The following SALL2 variants were observed in gnomAD, a reference collection of about 807,000 sequenced individuals.
SALL2 encodes the protein spalt like transcription factor 2.
A neutral mutation model predicts 58.5 loss-of-function variants in SALL2; 32 were observed. That is an observed-to-expected ratio of 0.55 (90% CI 0.41 to 0.74). The LOEUF (loss-of-function observed/expected upper bound fraction) is 0.74, where lower values mean the gene tolerates loss of function less well. SALL2 is among the 30% of genes least tolerant of loss of function. The probability of loss-of-function intolerance (pLI) is 0.00; values close to 1 mark genes in which losing one functional copy is unlikely to be tolerated. For synonymous variants in SALL2, 516 were observed against 513.6 expected (o/e 1.00, Z -0.06); for missense variants, 1,201 against 1,268.9 (o/e 0.95, Z 0.81).
chr14:21,522,673 G>T lies in SALL2; in HGVS notation c.*31C>A. 1 of 1,510,628 alleles carries T rather than the reference G, an allele frequency of 6.6e-7. No individual in the cohort carries two copies. The highest frequency in any genetic ancestry group is 1.4e-5 in the South Asian group (1 of 73,052). 93.6% of individuals were successfully genotyped at this position (1,510,628 alleles called of 1,614,324 possible). On this transcript the variant is annotated 3_prime_UTR_variant, in exon 2 of 2. Coordinates refer to ENST00000537235, the MANE Select transcript of SALL2 (RefSeq NM_001364564.1). ...TTGTGAAGCTGTTTCTGCTCTGTGG[G>T]ACAAAGAGCAGCAGGTACAGAAAAA...
Position 21,523,479 on chromosome 14 carries a change from T to C in SALL2, c.2243A>G (p.Gln748Arg), listed in dbSNP as rs577213976. Reference sequence around the variant, plus strand: ...CGGTGATGGCTGCTGGGACTGCTGCTGGGGGAAACTCCGTGCCCCGGAGAC... The same window carrying C: ...CGGTGATGGCTGCTGGGACTGCTGCCGGGGGAAACTCCGTGCCCCGGAGAC... The part of the protein sequence containing the change: ...STVSGARSFP[Q>R]QQSQQPSPEE... Residue 748 changes from glutamine to arginine, a missense_variant, in exon 2 of 2, where the codon CAG becomes CGG. Gln to Arg is a conservative substitution (Grantham distance 43, BLOSUM62 1). This residue lies in a region of SALL2 where 675 missense variants were observed against 683.8 expected (regional missense o/e 0.99). Transcript: ENST00000537235. This position sits in a 1 kb window ranked among gnomAD's most constrained non-coding sequence, Gnocchi z 4.4. 5 of 1,614,142 alleles carry C rather than the reference T, an allele frequency of 3.1e-6. No individual in the cohort carries two copies. The South Asian group carries it at 5.5e-5, about 18-fold the overall frequency.
At chr14:21,527,735 G>A (rs1892359719), upstream of SALL2, among the ~76,000 whole-genome samples, 1 of 152,136 alleles carries the variant, frequency 6.6e-6, no homozygotes, top group South Asian at 2.1e-4. Context: ...CCAGCTACTT[G>A]GGAGGCTGAG....
upstream of SALL2, chr14:21,526,385 C>G: frequency 8.2e-7 from 1 of 1,221,276 alleles, no homozygotes; most frequent in Non-Finnish European, 1.0e-6. Flanking sequence ...TGGGGAGGAG[C>G]TGCTGGGGAG....
Position 21,524,857 on chromosome 14 carries a change from C to T in SALL2, c.865G>A (p.Gly289Arg), listed in dbSNP as rs1361629058. ...GTGGGTTTGTGGCTTCGCCCAACCC[C>T]TCCAGCAGAGAAAGGATGCTGTGAC... ...LGSQHPFSAG[G>R]VGRSHKPTPA... Residue 289 changes from glycine (G) to arginine (R), a missense_variant, in exon 2 of 2, where the codon GGG becomes AGG. Gly to Arg is a moderately radical substitution (Grantham distance 125). Around this residue, in one of 3 missense-constraint regions of SALL2, gnomAD observed 467 missense variants for 468.9 expected, o/e 1.00. Coordinates refer to ENST00000537235, the MANE Select transcript of SALL2 (RefSeq NM_001364564.1). The T allele has an allele frequency of 1.2e-6, 2 of 1,613,884 alleles. No homozygotes were observed. The highest frequency in any genetic ancestry group is 1.7e-5 in the Admixed American group (1 of 60,000).
Position 21,525,333 on chromosome 14 carries a change from G to A in SALL2, c.389C>T (p.Thr130Ile), listed in dbSNP as rs865831820. Residue 130 changes from threonine to isoleucine, a missense_variant, in exon 2 of 2, where the codon ACA (threonine) becomes ATA (isoleucine). By Grantham distance (89) the Thr-to-Ile change is moderately conservative. Coordinates refer to ENST00000537235, the MANE Select transcript of SALL2 (RefSeq NM_001364564.1). This position sits in a 1 kb window ranked among gnomAD's most constrained non-coding sequence, Gnocchi z 4.4. ...CAGGCCCCCGCCTCCCCCAGCCGCT[G>A]TACCTGTGGCAGCGACCAGGAAATG... Reference protein sequence around the residue: ...SGHFLVAATGTAAGGGGGLIL... With the variant: ...SGHFLVAATGIAAGGGGGLIL... The A allele has an allele frequency of 1.9e-6, 3 of 1,613,982 alleles. No homozygotes were observed. The highest frequency in any genetic ancestry group is 3.3e-4 in the Middle Eastern group (2 of 6,062).
chr14:21,523,863 G>A lies in SALL2; in HGVS notation c.1859C>T (p.Pro620Leu), dbSNP rs117375429. ...AGGTCCAGAAGAGGCTGAGGATGAA[G>A]GTGCAGGGGCAGAGGTGGTGGGGGC... ...SGAPTTSAPA[P>L]SSSASSGPNQ... Residue 620 changes from proline (P) to leucine (L), a missense_variant, in exon 2 of 2, where the codon CCT becomes CTT. By Grantham distance (98) the Pro-to-Leu change is moderately conservative (BLOSUM62 -3). Around this residue, in one of 3 missense-constraint regions of SALL2, gnomAD observed 675 missense variants for 683.8 expected, o/e 0.99. Transcript: ENST00000537235. The surrounding 1 kb of genome is among the most constrained non-coding windows in gnomAD (Gnocchi z 4.4). 4.3e-6 allele frequency: 7 copies of A among 1,614,238 alleles called. No individual in the cohort carries two copies. The East Asian group carries it at 6.7e-5, about 15-fold the overall frequency.
chr14:21,524,729 A>C lies in SALL2; in HGVS notation c.993T>G (p.Leu331=). 1.2e-6 allele frequency: 2 copies of C among 1,612,590 alleles called. No homozygotes were observed. The highest frequency in any genetic ancestry group is 1.7e-6 in the Non-Finnish European group (2 of 1,179,282). Reference sequence around the variant, plus strand: ...TGGCCTCAAGGCCTCGGGCTGCCCCAAGACACTGTGCTGCCAGTAGTCCCG... The same window carrying C: ...TGGCCTCAAGGCCTCGGGCTGCCCCCAGACACTGTGCTGCCAGTAGTCCCG... ...STTGLLAAQC[L]GAARGLEATA... is the part of the protein sequence containing the mutation. The change falls in exon 2 of 2, where the codon CTT becomes CTG. Residue 331 remains leucine, a synonymous_variant. Transcript: ENST00000537235.
chr14:21,522,265 T>A lies in SALL2; in HGVS notation c.*439A>T. ...TGGTTCTAGAAAGATAGGGGACCCATACCCACCAGCTGAGCAGAAAGGTCA... is the reference window on the plus strand; with the variant it reads ...TGGTTCTAGAAAGATAGGGGACCCAAACCCACCAGCTGAGCAGAAAGGTCA... On this transcript the variant is annotated 3_prime_UTR_variant, in exon 2 of 2. Coordinates refer to ENST00000537235, the MANE Select transcript of SALL2 (RefSeq NM_001364564.1). 1 of 1,569,162 alleles carries A rather than the reference T, an allele frequency of 6.4e-7. No individual in the cohort carries two copies. Among genetic ancestry groups the A allele is most frequent in the African/African-American group, 1.3e-5 (1 of 74,528 alleles).
At position 21,525,347 on chromosome 14, in the gene SALL2, G is replaced by A. The variant is rs1338106477; in HGVS notation, c.375C>T (p.Val125=). ...CCCCAGCCGCTGTACCTGTGGCAGC[G>A]ACCAGGAAATGCCCTGAAGACTCCT... The part of the protein sequence containing the change: ...RGEESSGHFL[V]AATGTAAGGG... The change falls in exon 2 of 2, where the codon GTC becomes GTT. Residue 125 remains valine, a synonymous_variant. Transcript: ENST00000537235. The surrounding 1 kb of genome is among the most constrained non-coding windows in gnomAD (Gnocchi z 4.4). 1.9e-6 allele frequency: 3 copies of A among 1,613,976 alleles called. No homozygotes were observed. The highest frequency in any genetic ancestry group is 2.2e-5 in the South Asian group (2 of 91,072).
intron 1 of SALL2, 25 bp downstream of exon 1, chr14:21,526,036 C>G: frequency 1.3e-6 from 2 of 1,485,168 alleles, no homozygotes; most frequent in Non-Finnish European, 9.1e-7. Context: ...CCCACCCCTG[C>G]CCAGCCCGAC....
Position 21,526,332 on chromosome 14 carries a change from GGA to G in SALL2, c.-207_-206del, listed in dbSNP as rs1260354378. 9 of 1,430,800 alleles carry G rather than the reference GGA, an allele frequency of 6.3e-6. No homozygotes were observed. In the Admixed American group the frequency reaches 8.6e-5, roughly 14 times the overall value. The allele number at this position is 1,430,800 out of a possible 1,614,324, so 88.6% of individuals were successfully genotyped here. A position where few individuals can be genotyped will look rare whatever the true frequency, so the allele number is the denominator to read the frequency against. ...GGGAGAAGCTGGAGTGAGAAAGCGGGGAGAGGGGAGATCTGGGAGGAGCTGAT... is the reference window on the plus strand; with the variant it reads ...GGGAGAAGCTGGAGTGAGAAAGCGGGGAGGGGAGATCTGGGAGGAGCTGAT... On this transcript the variant is annotated 5_prime_UTR_variant, in exon 1 of 2. Coordinates refer to ENST00000537235, the MANE Select transcript of SALL2 (RefSeq NM_001364564.1).
In SALL2 at chr14:21,522,347, G is replaced by A. The variant is rs886833554; in HGVS notation, c.*357C>T. The A allele has an allele frequency of 1.2e-5, 18 of 1,452,400 alleles. No individual in the cohort carries two copies. Among genetic ancestry groups the A allele is most frequent in the Non-Finnish European group, 1.6e-5 (18 of 1,104,690 alleles). 90.0% of individuals were successfully genotyped at this position (1,452,400 alleles called of 1,614,324 possible). A position where few individuals can be genotyped will look rare whatever the true frequency, so the allele number is the denominator to read the frequency against. On this transcript the variant is annotated 3_prime_UTR_variant, in exon 2 of 2. Transcript: ENST00000537235. ...ACAGCTGCCAGCCCTTTTTGGCTAG[G>A]CTGCAATGCCAAATGTAGGTGCTCA...
At position 21,525,206 on chromosome 14, in the gene SALL2, A is replaced by C. The variant is rs755293042; in HGVS notation, c.516T>G (p.Ser172Arg). 1.9e-6 allele frequency: 3 copies of C among 1,612,644 alleles called. No individual in the cohort carries two copies. The Admixed American group carries it at 5.0e-5, about 27-fold the overall frequency. ...AGATCAGGGGGATATTCAAGTGGCC[A>C]CTGCCTACCCCTGGGGGCGGAGGGG... ...PPPPPPPGVG[S>R]GHLNIPLILE... is the part of the protein sequence containing the mutation. The change falls in exon 2 of 2, where the codon AGT (serine) becomes AGG (arginine). Residue 172 changes from serine (S) to arginine (R), a missense_variant. Coordinates refer to ENST00000537235, the MANE Select transcript of SALL2 (RefSeq NM_001364564.1). This position sits in a 1 kb window ranked among gnomAD's most constrained non-coding sequence, Gnocchi z 4.4.
rs1892225488 is a variant in SALL2 at position 21,524,972 on chromosome 14, C to T, written c.750G>A (p.Lys250=). 1.9e-6 allele frequency: 3 copies of T among 1,613,886 alleles called. No individual in the cohort carries two copies. The highest frequency in any genetic ancestry group is 1.3e-5 in the African/African-American group (1 of 74,914). ...FSPIKPVQTS[K]TLASSSSSSS... ...AGGAGGAGGAGGAAGATGCCAGTGT[C>T]TTGCTGGTTTGGACAGGCTTGATGG... Residue 250 remains lysine (K), a synonymous_variant, in exon 2 of 2, where the codon AAG becomes AAA. Transcript: ENST00000537235.
rs1241500319 is a variant in SALL2, at chr14:21,524,591, G to C, written c.1131C>G (p.Ala377=). ...PGGRHKCRFC[A]KVFGSDSALQ... ...GGGCACTGTCACTGCCAAATACTTT[G>C]GCACAGAAGCGGCATTTGTGCCTTC... is the stretch of plus-strand genomic sequence containing the variant. The change falls in exon 2 of 2, where the codon GCC becomes GCG. Residue 377 remains alanine, a synonymous_variant. Transcript: ENST00000537235. The C allele has an allele frequency of 1.9e-6, 3 of 1,614,120 alleles. No individual in the cohort carries two copies. The highest frequency in any genetic ancestry group is 2.5e-6 in the Non-Finnish European group (3 of 1,180,052).
upstream of SALL2, among the ~76,000 whole-genome samples, chr14:21,528,093 G>A (rs1281888526): frequency 1.3e-5 from 2 of 151,368 alleles, no homozygotes; most frequent in African/African-American, 2.4e-5. Context: ...GGCTGAGATC[G>A]TGGCATTGCA....
At position 21,523,668 on chromosome 14, in the gene SALL2, G is replaced by A. The variant is rs1478682631; in HGVS notation, c.2054C>T (p.Ala685Val). 9 of 1,614,234 alleles carry A rather than the reference G, an allele frequency of 5.6e-6. No individual in the cohort carries two copies. The East Asian group carries it at 2.0e-4, about 36-fold the overall frequency. ...HFVGHKASPA[A>V]RAQNSCPICQ... Reference sequence around the variant, plus strand: ...GATGGGGCAGGAATTCTGTGCCCGGGCAGCTGGACTGGCCTTGTGGCCCAC... The same window carrying A: ...GATGGGGCAGGAATTCTGTGCCCGGACAGCTGGACTGGCCTTGTGGCCCAC... The change falls in exon 2 of 2, where the codon GCC becomes GTC. Residue 685 changes from alanine (A) to valine (V), a missense_variant. Ala to Val is a moderately conservative substitution (Grantham distance 64). Around this residue, in one of 3 missense-constraint regions of SALL2, gnomAD observed 675 missense variants for 683.8 expected, o/e 0.99. Coordinates refer to ENST00000537235, the MANE Select transcript of SALL2 (RefSeq NM_001364564.1). The surrounding 1 kb of genome is among the most constrained non-coding windows in gnomAD (Gnocchi z 4.4).
At chr14:21,535,485 G>A (rs544340044) in intron 1 of SALL2, among the ~76,000 whole-genome samples, 2 of 152,208 alleles carry the variant, frequency 1.3e-5, no homozygotes, top group East Asian at 1.9e-4. Flanking sequence ...TGATAATAAC[G>A]ATATTCACAC....
Position 21,524,279 on chromosome 14 carries a change from T to C in SALL2, c.1443A>G (p.Ala481=), listed in dbSNP as rs1892182286. Residue 481 remains alanine (A), a synonymous_variant, in exon 2 of 2, where the codon GCA becomes GCG. Transcript: ENST00000537235. ...GAGTCAGGCTCTCTGTGGCACTGAG[T>C]GCTGTTGTGGAGGCCACCAGAGGCT... ...ERKPLVASTT[A]LSATESLTLL... 6.2e-7 allele frequency: 1 copy of C among 1,613,762 alleles called. No individual in the cohort carries two copies. The highest frequency in any genetic ancestry group is 8.5e-7 in the Non-Finnish European group (1 of 1,179,944).
Sources: allele counts gnomAD v4.1 joint callset (sites outside exome capture counted in the v4.1 genomes callset), GRCh38; gene constraint gnomAD v4.1.1; regional missense constraint gnomAD v4.1.1; non-coding constraint Gnocchi (gnomAD v3.1); transcripts MANE v1.5; gene names NCBI Gene and HGNC (gene_info 2026-07-23, HGNC 2026-07-21).